CCNY: variants seen among roughly 807,000 people sequenced by gnomAD.
CCNY encodes cyclin Y.
In CCNY, 19 loss-of-function variants were observed where a neutral mutation model predicts 42.8. That is an observed-to-expected ratio of 0.44 (90% CI 0.31 to 0.65). The LOEUF (loss-of-function observed/expected upper bound fraction) is 0.65, where lower values mean the gene tolerates loss of function less well. Ranked by LOEUF, CCNY falls within the 30% of genes least tolerant of loss-of-function variation. The pLI is 0.07. For synonymous variants in CCNY, 165 were observed against 162.7 expected (o/e 1.01, Z -0.11); for missense variants, 370 against 437.3 (o/e 0.85, Z 1.37).
chr10:35,404,465 G>T lies in CCNY; in HGVS notation c.154+67258G>T, dbSNP rs370574079. The stretch of plus-strand genomic sequence containing the variant: ...GGATCTATGGAGTCATCTAGGTTTG[G>T]TTTTGTGAGTTTATATAATGGTTTT... On this transcript the variant is annotated intron_variant, in intron 1 of 9. Coordinates refer to ENST00000374704, the MANE Select transcript of CCNY (RefSeq NM_145012.6). Among the ~76,000 whole-genome samples, 198 of 152,246 alleles carry T rather than the reference G, an allele frequency of 1.3e-3. 5 individuals carry two copies. The South Asian group carries it at 0.031, about 24-fold the overall frequency.
rs60257114 is a variant in CCNY, at chr10:35,355,678, C to CAAAAA, written c.154+18495_154+18499dup. 2.6e-3 allele frequency among the ~76,000 whole-genome samples: 152 copies of CAAAAA among 57,392 alleles called. 18 individuals carry two copies. Among genetic ancestry groups the CAAAAA allele is most frequent in the African/African-American group, 8.7e-3 (106 of 12,240 alleles). 37.7% of individuals were successfully genotyped at this position (57,392 alleles called of 152,430 possible). A position where few individuals can be genotyped will look rare whatever the true frequency, so the allele number is the denominator to read the frequency against. On this transcript the variant is annotated intron_variant, in intron 1 of 9. Transcript: ENST00000374704. ...GGGCAACAGAGCAAGATACTGTCTC[C>CAAAAA]AAAAAAAAAAAAAAAAAAAAAAAAA...
chr10:35,497,093 A>G (rs1173604931), intron 2 of CCNY, among the ~76,000 whole-genome samples: 1 of 152,224 alleles, frequency 6.6e-6, no homozygotes, highest in Non-Finnish European at 1.5e-5. Context: ...GATTGCTGTT[A>G]TTCCTCTCCC....
chr10:35,453,777 A>G (rs1294143462), intron 1 of CCNY, among the ~76,000 whole-genome samples: 2 of 152,226 alleles, frequency 1.3e-5, no homozygotes, highest in Non-Finnish European at 2.9e-5. Context: ...CAATATTTCT[A>G]GTAACCATAT....
intron 1 of CCNY, among the ~76,000 whole-genome samples, chr10:35,465,359 A>G (rs181995723): frequency 5.9e-5 from 9 of 152,062 alleles, no homozygotes; most frequent in Non-Finnish European, 1.2e-4. Flanking sequence ...CCTAGGACCC[A>G]GTGAGGTCGT....
chr10:35,267,278 AGCCTGGG>A (rs2095726482), intron 3 of CCNY, among the ~76,000 whole-genome samples: 1 of 150,976 alleles, frequency 6.6e-6, no homozygotes, highest in Non-Finnish European at 1.5e-5. Context: ...ATCCTACTCC[AGCCTGGG>A]CAACAGAGAG....
At chr10:35,333,733 C>T (rs540104087), upstream of CCNY, among the ~76,000 whole-genome samples, 3 of 152,278 alleles carry the variant, frequency 2.0e-5, no homozygotes, top group East Asian at 3.9e-4. Context: ...AGGCTTTCAA[C>T]GAACGACATC....
At chr10:35,477,848 G>T (rs1839553224) in intron 1 of CCNY, among the ~76,000 whole-genome samples, 1 of 151,408 alleles carries the variant, frequency 6.6e-6, no homozygotes, top group Non-Finnish European at 1.5e-5. Context: ...AAGTCAAATT[G>T]TCCCTGTTTG....
At chr10:35,334,067 A>C (rs1010935377), upstream of CCNY, among the ~76,000 whole-genome samples, 1 of 149,236 alleles carries the variant, frequency 6.7e-6, no homozygotes, top group African/African-American at 2.5e-5. Context: ...GGGCACAAAA[A>C]TCCTGGCAGA....
chr10:35,446,905 T>C lies in CCNY; in HGVS notation c.155-36499T>C, dbSNP rs546383670. Among the ~76,000 whole-genome samples the C allele has an allele frequency of 4.6e-5, 7 of 152,342 alleles. No individual in the cohort carries two copies. In the South Asian group the frequency reaches 1.4e-3, roughly 32 times the overall value. On this transcript the variant is annotated intron_variant, in intron 1 of 9. Transcript: ENST00000374704. Reference sequence around the variant, plus strand: ...AGTTCTAGATTTAAAAATTAGTGTCTCCTAATTTCTAATGTAATTTTTAGA... The same window carrying C: ...AGTTCTAGATTTAAAAATTAGTGTCCCCTAATTTCTAATGTAATTTTTAGA...
intron 7 of CCNY, among the ~76,000 whole-genome samples, chr10:35,542,378 T>G (rs1234128369): frequency 1.3e-5 from 2 of 152,082 alleles, no homozygotes; most frequent in African/African-American, 4.8e-5. Flanking sequence ...TCATGACTAT[T>G]GATGATAACC....
chr10:35,483,533 C>T, intron 2 of CCNY, 55 bp downstream of exon 2: 1 of 1,114,998 alleles, frequency 9.0e-7, no homozygotes, highest in South Asian at 1.3e-5. Flanking sequence ...TGGTACTTCG[C>T]CTAGTGTTGA....
At chr10:35,300,996 C>A (rs1018985743) in intron 3 of CCNY, among the ~76,000 whole-genome samples, 1 of 151,988 alleles carries the variant, frequency 6.6e-6, no homozygotes, top group African/African-American at 2.4e-5. Context: ...TTAGTAGAGA[C>A]GAGGTTTCAC....
intron 1 of CCNY, among the ~76,000 whole-genome samples, chr10:35,451,623 G>A (rs1251972134): frequency 6.6e-6 from 1 of 152,210 alleles, no homozygotes; most frequent in African/African-American, 2.4e-5. Flanking sequence ...AGCTGGTTAG[G>A]CTCAACAATA....
chr10:35,472,931 A>G (rs189808973), intron 1 of CCNY, among the ~76,000 whole-genome samples: 13 of 152,350 alleles, frequency 8.5e-5, no homozygotes, highest in Admixed American at 5.9e-4. Context: ...CATAATACCT[A>G]GCATATAGTG....
intron 1 of CCNY, among the ~76,000 whole-genome samples, chr10:35,350,400 CT>C (rs1005957137): frequency 4.6e-5 from 7 of 151,310 alleles, no homozygotes; most frequent in Non-Finnish European, 8.8e-5. Context: ...TCACAGTGGA[CT>C]TTTTTTTTGA....
chr10:35,305,857 A>T (rs1835599653), intron 3 of CCNY, among the ~76,000 whole-genome samples: 1 of 152,180 alleles, frequency 6.6e-6, no homozygotes, highest in Non-Finnish European at 1.5e-5. Context: ...TGGTGCTGCC[A>T]GTCTGACCCC....
At chr10:35,469,079 A>G (rs1375647102) in intron 1 of CCNY, among the ~76,000 whole-genome samples, 1 of 152,196 alleles carries the variant, frequency 6.6e-6, no homozygotes, top group African/African-American at 2.4e-5. Flanking sequence ...AGGGGGTTAG[A>G]ATTCTTTATT....
intron 1 of CCNY, among the ~76,000 whole-genome samples, chr10:35,413,083 A>C (rs561373720): frequency 6.6e-6 from 1 of 152,036 alleles, no homozygotes; most frequent in South Asian, 2.1e-4. Context: ...GAGAGATAAG[A>C]AGGAAGGAAC....
intron 2 of CCNY, among the ~76,000 whole-genome samples, chr10:35,485,761 TTTGGTAACTTTAATGAA>T (rs1839775598): frequency 6.6e-6 from 1 of 151,358 alleles, no homozygotes; most frequent in Admixed American, 6.6e-5. Context: ...AACACGTAGA[TTTGGTAACTTTAATGAA>T]TTCTTTAGTG....
Sources: gnomAD v4.1 joint callset for allele counts (sites outside exome capture counted in the v4.1 genomes callset) on GRCh38, gnomAD v4.1.1 for gene constraint, MANE v1.5 for transcripts, NCBI Gene and HGNC (gene_info 2026-07-23, HGNC 2026-07-21) for gene names.